The following HBZ variants were observed in gnomAD, a reference collection of about 807,000 sequenced individuals.
HBZ encodes hemoglobin subunit zeta, also known as hemoglobin zeta chain.
A neutral mutation model predicts 5.8 loss-of-function variants in HBZ; 2 were observed. The observed-to-expected ratio is 0.34, with a 90% CI of 0.14 to 1.09. HBZ has a LOEUF of 1.09. HBZ is among the 50% of genes least tolerant of loss of function. The pLI is 0.42. For synonymous variants in HBZ, 39 were observed against 47.4 expected (o/e 0.82, Z 0.73); for missense variants, 47 against 97.8 (o/e 0.48, Z 2.19).
intron 1 of HBZ, 131 bp downstream of exon 1, chr16:153,135 C>T (rs1421585520): frequency 2.3e-6 from 1 of 433,438 alleles, no homozygotes; most frequent in Non-Finnish European, 4.2e-6. Context: ...GGGGAGGGCA[C>T]TGTGGGGAGA....
rs1567158064 is a variant in HBZ, at chr16:154,152, G to GGCGGTGCGGGGCGGGGCGGT, written c.300+60_300+61insTGCGGGGCGGGGCGGTGCGG. 1.2e-4 allele frequency: 6 copies of GGCGGTGCGGGGCGGGGCGGT among 48,318 alleles called. 1 individual carries two copies. The highest frequency in any genetic ancestry group is 8.8e-5 in the Non-Finnish European group (3 of 34,180). The allele number at this position is 48,318 out of a possible 1,614,324, so 3.0% of individuals were successfully genotyped here. ...ACGGGGCGGGGCGCGGTGCGGGCGG[G>GGCGGTGCGGGGCGGGGCGGT]GCGGGGCGGGGCGGGGCGGGGAGGG... is the stretch of plus-strand genomic sequence containing the variant. On this transcript the variant is annotated intron_variant, in intron 2 of 2. Coordinates refer to ENST00000252951, the MANE Select transcript of HBZ (RefSeq NM_005332.3).
In HBZ at chr16:154,351, A is replaced by G. The variant is rs530419464; in HGVS notation, c.380A>G (p.Asp127Gly). The G allele has an allele frequency of 1.3e-6, 2 of 1,532,806 alleles. No homozygotes were observed. Among genetic ancestry groups the G allele is most frequent in the Non-Finnish European group, 1.8e-6 (2 of 1,136,734 alleles). 95.0% of individuals were successfully genotyped at this position (1,532,806 alleles called of 1,614,324 possible). ...DFTAEAHAAW[D>G]KFLSVVSSVL... ...ACGGCCGAGGCCCACGCCGCCTGGG[A>G]CAAGTTCCTATCGGTCGTATCCTCT... Residue 127 changes from aspartate to glycine, a missense_variant, in exon 3 of 3, where the codon GAC becomes GGC. Physicochemically the swap from Asp to Gly is moderately conservative, Grantham distance 94. Coordinates refer to ENST00000252951, the MANE Select transcript of HBZ (RefSeq NM_005332.3).
rs1250374622 is a variant in HBZ, at chr16:152,870, G to A, written c.-40G>A. 1.2e-6 allele frequency: 2 copies of A among 1,610,534 alleles called. No individual in the cohort carries two copies. The highest frequency in any genetic ancestry group is 2.2e-5 in the South Asian group (2 of 90,948). ...GCTGAGCACTACCAAGGCCAGTCCT[G>A]AGCAGGCCCAACTCCAGTGCAGCTG... On this transcript the variant is annotated 5_prime_UTR_variant, in exon 1 of 3. Coordinates refer to ENST00000252951, the MANE Select transcript of HBZ (RefSeq NM_005332.3).
In HBZ at chr16:154,362, T is replaced by C. The variant is rs1901678221; in HGVS notation, c.391T>C (p.Ser131Pro). Residue 131 changes from serine (S) to proline (P), a missense_variant, in exon 3 of 3, where the codon TCG becomes CCG. Coordinates refer to ENST00000252951, the MANE Select transcript of HBZ (RefSeq NM_005332.3). ...CCACGCCGCCTGGGACAAGTTCCTATCGGTCGTATCCTCTGTCCTGACCGA... is the reference window on the plus strand; with the variant it reads ...CCACGCCGCCTGGGACAAGTTCCTACCGGTCGTATCCTCTGTCCTGACCGA... The part of the protein sequence containing the change: ...EAHAAWDKFL[S>P]VVSSVLTEKY... The C allele has an allele frequency of 1.3e-6, 2 of 1,539,704 alleles. No individual in the cohort carries two copies. Among genetic ancestry groups the C allele is most frequent in the Non-Finnish European group, 1.8e-6 (2 of 1,140,504 alleles).
chr16:153,093 C>CCATGGGG (rs1399923408), intron 1 of HBZ, 89 bp downstream of exon 1: 140 of 641,062 alleles, frequency 2.2e-4, no homozygotes, highest in Admixed American at 7.2e-4. Context: ...GGGGAGGGGA[C>CCATGGGG]AGTGGGGAGG....
chr16:154,265 C>T lies in HBZ; in HGVS notation c.301-7C>T, dbSNP rs1165363138. 1.1e-5 allele frequency: 9 copies of T among 856,960 alleles called. No individual in the cohort carries two copies. The highest frequency in any genetic ancestry group is 7.4e-5 in the East Asian group (2 of 26,964). The allele number at this position is 856,960 out of a possible 1,614,324, so 53.1% of individuals were successfully genotyped here. ...CCGCCCCCTCACTGAGCCGCCCCCG[C>T]CCCCAGCTCCTGTCCCACTGCCTGC... On this transcript the variant is annotated splice_polypyrimidine_tract_variant and splice_region_variant and intron_variant, in intron 2 of 2. Coordinates refer to ENST00000252951, the MANE Select transcript of HBZ (RefSeq NM_005332.3).
intron 1 of HBZ, among the ~76,000 whole-genome samples, chr16:153,452 T>C (rs1423327726): frequency 9.1e-6 from 1 of 110,412 alleles, no homozygotes; most frequent in Non-Finnish European, 2.0e-5. Flanking sequence ...CAGCTTCAAA[T>C]TCCCAGCATC....
At chr16:153,136 T>G (rs2858919) in intron 1 of HBZ, 132 bp downstream of exon 1, 28 of 361,528 alleles carry the variant, frequency 7.7e-5, no homozygotes, top group Middle Eastern at 8.2e-4. Flanking sequence ...GGGAGGGCAC[T>G]GTGGGGAGAG....
At chr16:153,161 G>T (rs1237129114) in intron 1 of HBZ, among the ~76,000 whole-genome samples, 157 bp downstream of exon 1, 1 of 151,782 alleles carries the variant, frequency 6.6e-6, no homozygotes, top group African/African-American at 2.4e-5. Flanking sequence ...GTGAGGAGGG[G>T]ACCTTGGGGA....
In HBZ at chr16:154,456, TC is replaced by T; in HGVS notation, c.*60del. On this transcript the variant is annotated 3_prime_UTR_variant, in exon 3 of 3. Transcript: ENST00000252951. Reference sequence around the variant, plus strand: ...GCGGCCCCTCCCCCGTCCTGGAGGTTCCCCAGCCCCACTTACCGCGTAATGC... The same window carrying T: ...GCGGCCCCTCCCCCGTCCTGGAGGTTCCCAGCCCCACTTACCGCGTAATGC... The T allele has an allele frequency of 4.0e-6, 5 of 1,256,460 alleles. No homozygotes were observed. Among genetic ancestry groups the T allele is most frequent in the Non-Finnish European group, 4.3e-6 (4 of 939,526 alleles). 77.8% of individuals were successfully genotyped at this position (1,256,460 alleles called of 1,614,324 possible).
Position 154,411 on chromosome 16 carries a change from C to T in HBZ, c.*11C>T, listed in dbSNP as rs111716204. 1.9e-5 allele frequency: 28 copies of T among 1,493,608 alleles called. No homozygotes were observed. Among genetic ancestry groups the T allele is most frequent in the Non-Finnish European group, 2.5e-5 (28 of 1,111,222 alleles). The allele number at this position is 1,493,608 out of a possible 1,614,324, so 92.5% of individuals were successfully genotyped here. On this transcript the variant is annotated 3_prime_UTR_variant, in exon 3 of 3. Coordinates refer to ENST00000252951, the MANE Select transcript of HBZ (RefSeq NM_005332.3). ...GAGAAGTACCGCTGAGCGCCGCCTC[C>T]GGGACCCCCAGGACAGGCTGCGGCC...
intron 1 of HBZ, among the ~76,000 whole-genome samples, chr16:153,236 G>C (rs73478402): frequency 0.06 from 8,995 of 150,458 alleles, 298 homozygotes; most frequent in African/African-American, 0.11. Context: ...GACAGATAGC[G>C]TTCCCTCTCA....
chr16:153,002 G>A lies in HBZ; in HGVS notation c.93G>A (p.Glu31=). 1.2e-6 allele frequency: 2 copies of A among 1,606,736 alleles called. No homozygotes were observed. Among genetic ancestry groups the A allele is most frequent in the Middle Eastern group, 1.8e-4 (1 of 5,438 alleles). The change falls in exon 1 of 3, where the codon GAG becomes GAA. Residue 31 remains glutamate (E), a splice_region_variant and synonymous_variant. Transcript: ENST00000252951. ...QADTIGTETL[E]RLFLSHPQTK... is the part of the protein sequence containing the mutation. ...ACACCATCGGCACCGAGACTCTGGA[G>A]AGGTGAGTGTCAGACGGGACTGCCA...
intron 1 of HBZ, 88 bp downstream of exon 1, chr16:153,092 A>AC: frequency 1.4e-6 from 1 of 708,276 alleles, no homozygotes; most frequent in Non-Finnish European, 2.3e-6. Context: ...TGGGGAGGGG[A>AC]CAGTGGGGAG....
rs1376025517 is a variant in HBZ, at chr16:154,422, G to A, written c.*22G>A. 4 of 1,458,262 alleles carry A rather than the reference G, an allele frequency of 2.7e-6. No individual in the cohort carries two copies. The highest frequency in any genetic ancestry group is 3.7e-6 in the Non-Finnish European group (4 of 1,088,006). 90.3% of individuals were successfully genotyped at this position (1,458,262 alleles called of 1,614,324 possible). On this transcript the variant is annotated 3_prime_UTR_variant, in exon 3 of 3. Transcript: ENST00000252951. ...CTGAGCGCCGCCTCCGGGACCCCCA[G>A]GACAGGCTGCGGCCCCTCCCCCGTC...
Position 154,386 on chromosome 16 carries a change from G to C in HBZ, c.415G>C (p.Glu139Gln), listed in dbSNP as rs1001995715. ...FLSVVSSVLTEKYR is the reference protein window; with the variant it reads ...FLSVVSSVLTQKYR ...ATCGGTCGTATCCTCTGTCCTGACC[G>C]AGAAGTACCGCTGAGCGCCGCCTCC... Residue 139 changes from glutamate to glutamine, a missense_variant, in exon 3 of 3, where the codon GAG becomes CAG. By Grantham distance (29) the Glu-to-Gln change is conservative. Coordinates refer to ENST00000252951, the MANE Select transcript of HBZ (RefSeq NM_005332.3). 5.2e-6 allele frequency: 8 copies of C among 1,525,856 alleles called. No homozygotes were observed. Among genetic ancestry groups the C allele is most frequent in the Admixed American group, 2.0e-5 (1 of 49,784 alleles). The allele number at this position is 1,525,856 out of a possible 1,614,324, so 94.5% of individuals were successfully genotyped here.
Position 154,493 on chromosome 16 carries a change from C to A in HBZ, c.*93C>A. The A allele has an allele frequency of 2.2e-6, 2 of 898,448 alleles. No individual in the cohort carries two copies. The highest frequency in any genetic ancestry group is 3.1e-6 in the Non-Finnish European group (2 of 639,582). The allele number at this position is 898,448 out of a possible 1,614,324, so 55.7% of individuals were successfully genotyped here. Reference sequence around the variant, plus strand: ...CTTACCGCGTAATGCGCCAATAAACCAATGAACGAAGCAGCGTCCACCTGG... The same window carrying A: ...CTTACCGCGTAATGCGCCAATAAACAAATGAACGAAGCAGCGTCCACCTGG... On this transcript the variant is annotated 3_prime_UTR_variant, in exon 3 of 3. Coordinates refer to ENST00000252951, the MANE Select transcript of HBZ (RefSeq NM_005332.3).
Position 152,659 on chromosome 16 carries a change from C to CCCCCT in HBZ, c.-250_-246dup. On this transcript the variant is annotated 5_prime_UTR_variant, in exon 1 of 3. Coordinates refer to ENST00000252951, the MANE Select transcript of HBZ (RefSeq NM_005332.3). ...CTCTGTGGTCAGACTCTGGCCAACACCCCCTGTAAGGCCACAGGAGAGGAA... is the reference window on the plus strand; with the variant it reads ...CTCTGTGGTCAGACTCTGGCCAACACCCCCTCCCCTGTAAGGCCACAGGAGAGGAA... 1.7e-6 allele frequency: 1 copy of CCCCCT among 603,158 alleles called. No homozygotes were observed. The highest frequency in any genetic ancestry group is 2.1e-5 in the South Asian group (1 of 47,854). The allele number at this position is 603,158 out of a possible 1,614,324, so 37.4% of individuals were successfully genotyped here. A position where few individuals can be genotyped will look rare whatever the true frequency, so the allele number is the denominator to read the frequency against.
At position 154,465 on chromosome 16, in the gene HBZ, C is replaced by G; in HGVS notation, c.*65C>G. 1 of 1,119,766 alleles carries G rather than the reference C, an allele frequency of 8.9e-7. No homozygotes were observed. Among genetic ancestry groups the G allele is most frequent in the South Asian group, 1.8e-5 (1 of 56,384 alleles). 69.4% of individuals were successfully genotyped at this position (1,119,766 alleles called of 1,614,324 possible). On this transcript the variant is annotated 3_prime_UTR_variant, in exon 3 of 3. Transcript: ENST00000252951. Reference sequence around the variant, plus strand: ...CCCCCGTCCTGGAGGTTCCCCAGCCCCACTTACCGCGTAATGCGCCAATAA... The same window carrying G: ...CCCCCGTCCTGGAGGTTCCCCAGCCGCACTTACCGCGTAATGCGCCAATAA...
Sources: gnomAD v4.1 joint callset for allele counts (sites outside exome capture counted in the v4.1 genomes callset) on GRCh38, gnomAD v4.1.1 for gene constraint, MANE v1.5 for transcripts, NCBI Gene and HGNC (gene_info 2026-07-23, HGNC 2026-07-21) for gene names.